Variants in GSG1L observed in about 807,000 individuals in gnomAD.
GSG1L encodes the protein GSG1 like.
GSG1L carries 24 observed loss-of-function variants against 42.1 expected under a neutral mutation model. The ratio of observed to expected loss-of-function variants is 0.57; its 90% CI spans 0.41 to 0.80. The LOEUF is 0.80. Ranked by LOEUF, GSG1L falls within the 30% of genes least tolerant of loss-of-function variation. GSG1L has a pLI of 0.00. For synonymous variants in GSG1L, 215 were observed against 203.5 expected (o/e 1.06, Z -0.48); for missense variants, 445 against 472.2 (o/e 0.94, Z 0.53).
rs2083418322 is a variant in GSG1L, at chr16:27,844,238, C to T, written c.662+712G>A. On this transcript the variant is annotated intron_variant, in intron 4 of 6. Transcript: ENST00000447459. ...TCCAGTTACACAAACAAATGAACAC[C>T]CCTTGTTCACTTACGCTTGGGATTC... 3.3e-5 allele frequency among the ~76,000 whole-genome samples: 5 copies of T among 152,172 alleles called. No homozygotes were observed. The South Asian group carries it at 1.0e-3, about 32-fold the overall frequency.
At chr16:28,062,846 T>C (rs1299767811) in intron 1 of GSG1L, among the ~76,000 whole-genome samples, 1 of 152,136 alleles carries the variant, frequency 6.6e-6, no homozygotes, top group East Asian at 1.9e-4. Flanking sequence ...GTAGGAGCTC[T>C]GCCTTGCACC....
intron 1 of GSG1L, among the ~76,000 whole-genome samples, chr16:27,980,754 T>C (rs2085316030): frequency 6.6e-6 from 1 of 151,986 alleles, no homozygotes; most frequent in South Asian, 2.1e-4. Flanking sequence ...CGATGGCACA[T>C]GCCTGTAATT....
intron 1 of GSG1L, among the ~76,000 whole-genome samples, chr16:28,041,902 G>A (rs1358746819): frequency 2.0e-5 from 3 of 152,196 alleles, no homozygotes; most frequent in African/African-American, 7.2e-5. Context: ...TGAGAGAATC[G>A]CTCCAGGATC....
chr16:27,900,031 T>G (rs566916967), intron 2 of GSG1L, among the ~76,000 whole-genome samples: 1 of 152,304 alleles, frequency 6.6e-6, no homozygotes, highest in East Asian at 1.9e-4. Context: ...TGTGGCCTGA[T>G]GGTACTCCAA....
chr16:28,013,993 C>G (rs760754461), intron 1 of GSG1L, among the ~76,000 whole-genome samples: 2 of 152,238 alleles, frequency 1.3e-5, no homozygotes, highest in Non-Finnish European at 2.9e-5. Context: ...CCTGGAATGA[C>G]TGGCAGGGGC....
intron 1 of GSG1L, among the ~76,000 whole-genome samples, chr16:28,008,969 T>C (rs895910258): frequency 1.3e-5 from 2 of 152,024 alleles, no homozygotes; most frequent in Non-Finnish European, 1.5e-5. Context: ...CCACCACGCC[T>C]GGCTAATTTT....
rs112506894 is a variant in GSG1L, at chr16:27,856,886, G to A, written c.551-11825C>T. 3.3e-3 allele frequency among the ~76,000 whole-genome samples: 503 copies of A among 152,300 alleles called. 1 individual carries two copies. The highest frequency in any genetic ancestry group is 0.011 in the African/African-American group (468 of 41,566). On this transcript the variant is annotated intron_variant, in intron 3 of 6. Coordinates refer to ENST00000447459, the MANE Select transcript of GSG1L (RefSeq NM_001109763.2). ...GTGGGGTGGTGGCTCCCATCAGAAC[G>A]TGGAGGTGGGCTCTAAAAGTGTCCC...
chr16:27,833,305 T>G (rs1426109515), intron 4 of GSG1L, among the ~76,000 whole-genome samples: 1 of 152,188 alleles, frequency 6.6e-6, no homozygotes, highest in Non-Finnish European at 1.5e-5. Context: ...TGGGCATATC[T>G]GTATTGGTCT....
chr16:27,917,003 G>A (rs2084465224), intron 2 of GSG1L, among the ~76,000 whole-genome samples: 1 of 152,164 alleles, frequency 6.6e-6, no homozygotes, highest in Non-Finnish European at 1.5e-5. Context: ...AAAGAGTTGG[G>A]TGAAGATAAA....
chr16:27,903,812 C>T (rs1596600734), intron 2 of GSG1L, among the ~76,000 whole-genome samples: 1 of 152,108 alleles, frequency 6.6e-6, no homozygotes, highest in Admixed American at 6.5e-5. Context: ...AGAGACCCCC[C>T]ACCAAGGTCC....
rs534140097 is a variant in GSG1L at position 27,789,136 on chromosome 16, G to C, written c.*2234C>G. 1 of 152,260 alleles carries C rather than the reference G, an allele frequency of 6.6e-6. No homozygotes were observed. The highest frequency in any genetic ancestry group is 1.5e-5 in the Non-Finnish European group (1 of 68,058). The allele number at this position is 152,260 out of a possible 1,614,324, so 9.4% of individuals were successfully genotyped here. ...GCAATCAATAGAAGATGGATAGATG[G>C]ATGGATGAATGGATGGATAATTGAT... On this transcript the variant is annotated 3_prime_UTR_variant, in exon 7 of 7. Coordinates refer to ENST00000447459, the MANE Select transcript of GSG1L (RefSeq NM_001109763.2).
At chr16:28,013,117 G>T (rs2085742151) in intron 1 of GSG1L, among the ~76,000 whole-genome samples, 2 of 151,890 alleles carry the variant, frequency 1.3e-5, no homozygotes, top group Non-Finnish European at 2.9e-5. Flanking sequence ...CCAGTTACTT[G>T]GGAGGCCGAG....
At chr16:27,876,237 G>T (rs1044445768) in intron 3 of GSG1L, among the ~76,000 whole-genome samples, 1 of 152,158 alleles carries the variant, frequency 6.6e-6, no homozygotes, top group Non-Finnish European at 1.5e-5. Flanking sequence ...TTCAGCACAG[G>T]TGAAGGTGGC....
At chr16:27,848,438 G>A (rs773647874) in intron 3 of GSG1L, among the ~76,000 whole-genome samples, 3 of 152,174 alleles carry the variant, frequency 2.0e-5, no homozygotes, top group African/African-American at 4.8e-5. Context: ...CTTTGTCTAG[G>A]AGAGCACGTG....
chr16:27,793,493 G>GC (rs2082778114), intron 6 of GSG1L, among the ~76,000 whole-genome samples: 1 of 151,802 alleles, frequency 6.6e-6, no homozygotes, highest in South Asian at 2.1e-4. Context: ...GTTTTGTTTT[G>GC]TTTTTTTAAT....
At chr16:27,870,309 CCT>C (rs970963816) in intron 3 of GSG1L, among the ~76,000 whole-genome samples, 1 of 147,548 alleles carries the variant, frequency 6.8e-6, no homozygotes, top group Non-Finnish European at 1.5e-5. Flanking sequence ...CTCTCTCTCT[CCT>C]CTCTCTCTGT....
At chr16:27,797,504 C>CA (rs1491102031) in intron 6 of GSG1L, among the ~76,000 whole-genome samples, 2 of 126,506 alleles carry the variant, frequency 1.6e-5, no homozygotes, top group Non-Finnish European at 3.2e-5. Context: ...GCCTGAGCAG[C>CA]AAGAGCAAAA....
intron 4 of GSG1L, among the ~76,000 whole-genome samples, chr16:27,837,476 C>T (rs2140975249): frequency 6.6e-6 from 1 of 152,312 alleles, no homozygotes; most frequent in Non-Finnish European, 1.5e-5. Context: ...TAGGCCTCTG[C>T]TGATACCTGG....
At chr16:27,794,151 A>T (rs1271250241) in intron 6 of GSG1L, among the ~76,000 whole-genome samples, 4 of 151,998 alleles carry the variant, frequency 2.6e-5, no homozygotes, top group Non-Finnish European at 5.9e-5. Context: ...AGTAGCTGTG[A>T]CTGCAGGTGC....
Sources: gnomAD v4.1 joint callset for allele counts (sites outside exome capture counted in the v4.1 genomes callset) on GRCh38, gnomAD v4.1.1 for gene constraint, MANE v1.5 for transcripts, NCBI Gene and HGNC (gene_info 2026-07-23, HGNC 2026-07-21) for gene names.